Variants in PSMC6 observed in about 807,000 individuals in gnomAD.
PSMC6 encodes the protein 26S proteasome regulatory subunit 10B.
PSMC6 carries 3 observed loss-of-function variants against 55.9 expected under a neutral mutation model. The ratio of observed to expected loss-of-function variants is 0.05; its 90% confidence interval spans 0.02 to 0.14. The LOEUF is 0.14. Among genes scored for constraint, PSMC6 ranks in the 10% least tolerant of loss-of-function variants. PSMC6 has a pLI of 1.00. For missense variants in PSMC6, 210 were observed against 478.7 expected (o/e 0.44, Z 5.24); for synonymous variants, 137 against 155.9 (o/e 0.88, Z 0.90).
intron 13 of PSMC6, 148 bp from the exon 14 acceptor site, chr14:52,727,351 A>G: frequency 1.7e-6 from 1 of 599,814 alleles, no homozygotes; most frequent in Non-Finnish European, 2.8e-6. Context: ...TTGAAAAAAG[A>G]TAGTGGTTTT....
intron 1 of PSMC6, 68 bp downstream of exon 1, chr14:52,707,372 C>G (rs780541803): frequency 3.8e-6 from 6 of 1,593,590 alleles, no homozygotes; most frequent in Non-Finnish European, 4.3e-6. Flanking sequence ...AAAGCAGAAG[C>G]CTTTCGCCGA....
Position 52,720,980 on chromosome 14 carries a change from A to G in PSMC6, c.897A>G (p.Ile299Met), listed in dbSNP as rs1266296760. The G allele has an allele frequency of 1.2e-6, 2 of 1,612,874 alleles. No homozygotes were observed. The highest frequency in any genetic ancestry group is 8.5e-7 in the Non-Finnish European group (1 of 1,179,346). ...GTCCAGGAAGATTAGATAGAAAAAT[A>G]CGTGAGTTAAGATTCTTTACCTACT... The part of the protein sequence containing the change: ...LLRPGRLDRK[I>M]HIDLPNEQAR... Residue 299 changes from isoleucine to methionine, a missense_variant and splice_region_variant, in exon 11 of 14, where the codon ATA becomes ATG. Physicochemically the swap from Ile to Met is conservative, Grantham distance 10. This residue lies in a region of PSMC6 where 79 missense variants were observed against 158.7 expected (regional missense o/e 0.50). Coordinates refer to ENST00000445930, the MANE Select transcript of PSMC6 (RefSeq NM_002806.5).
intron 13 of PSMC6, among the ~76,000 whole-genome samples, chr14:52,726,790 C>T (rs1267449657): frequency 6.6e-6 from 1 of 151,742 alleles, no homozygotes. Flanking sequence ...TACAGATGCC[C>T]ACTACTACGC....
At chr14:52,713,048 C>T (rs1421005408) in intron 6 of PSMC6, among the ~76,000 whole-genome samples, 1 of 152,062 alleles carries the variant, frequency 6.6e-6, no homozygotes, top group East Asian at 1.9e-4. Context: ...CCTGCCAATA[C>T]AGTGAAACCC....
intron 4 of PSMC6, 111 bp from the exon 5 acceptor site, chr14:52,710,990 G>A (rs1594847647): frequency 1.0e-5 from 9 of 862,880 alleles, no homozygotes; most frequent in South Asian, 1.4e-5. Context: ...TGATATTTGT[G>A]TTCTCTCTGG....
chr14:52,717,652 A>G (rs1377138885), intron 7 of PSMC6, among the ~76,000 whole-genome samples: 1 of 151,966 alleles, frequency 6.6e-6, no homozygotes, highest in Non-Finnish European at 1.5e-5. Flanking sequence ...TGAAAATTCT[A>G]TTTAGGATTT....
At chr14:52,714,162 T>G (rs1407669732) in intron 7 of PSMC6, 194 bp downstream of exon 7, 1 of 417,776 alleles carries the variant, frequency 2.4e-6, no homozygotes, top group East Asian at 3.8e-5. Flanking sequence ...CACCTCAGTC[T>G]CCCACGTAGC....
At chr14:52,708,983 G>A in intron 4 of PSMC6, 167 bp downstream of exon 4, 1 of 917,950 alleles carries the variant, frequency 1.1e-6, no homozygotes, top group Non-Finnish European at 1.6e-6. Context: ...TCAAACCATG[G>A]GCTTTGACTC....
At chr14:52,719,536 C>T (rs993316189) in intron 10 of PSMC6, among the ~76,000 whole-genome samples, 1 of 152,190 alleles carries the variant, frequency 6.6e-6, no homozygotes, top group South Asian at 2.1e-4. Context: ...TACCTTTCCC[C>T]ACTCCAAATT....
chr14:52,716,244 G>T (rs2041828996), intron 7 of PSMC6, among the ~76,000 whole-genome samples: 1 of 152,146 alleles, frequency 6.6e-6, no homozygotes, highest in Non-Finnish European at 1.5e-5. Flanking sequence ...CACTACTGGT[G>T]GGAATGTAAA....
In PSMC6 at chr14:52,708,500, T is replaced by G. The variant is rs1390863618; in HGVS notation, c.183T>G (p.Leu61=). The G allele has an allele frequency of 2.5e-5, 40 of 1,613,838 alleles. No individual in the cohort carries two copies. In the Admixed American group the frequency reaches 5.5e-4, roughly 22 times the overall value. ...TTCCTTAGATCGTGGGTGAAGTGCTTAAACAGTTAACTGAAGAAAAATGTG... is the reference window on the plus strand; with the variant it reads ...TTCCTTAGATCGTGGGTGAAGTGCTGAAACAGTTAACTGAAGAAAAATGTG... ...QSVGQIVGEV[L]KQLTEEKFIV... The change falls in exon 3 of 14, where the codon CTT becomes CTG. Residue 61 remains leucine, a synonymous_variant. Transcript: ENST00000445930.
rs1354390382 is a variant in PSMC6, at chr14:52,709,540, C to A, written c.258+724C>A. 6.7e-6 allele frequency: 3 copies of A among 447,052 alleles called. No individual in the cohort carries two copies. In the Admixed American group the frequency reaches 7.6e-5, roughly 11 times the overall value. The allele number at this position is 447,052 out of a possible 1,614,324, so 27.7% of individuals were successfully genotyped here. ...ATTTTCTAAGTCAAAATATTAGATA[C>A]CTAAACTGACAAGGGATTTTCATGT... On this transcript the variant is annotated intron_variant, in intron 4 of 13. Transcript: ENST00000445930.
chr14:52,719,991 C>T (rs1354090485), intron 10 of PSMC6, among the ~76,000 whole-genome samples: 1 of 151,966 alleles, frequency 6.6e-6, no homozygotes, highest in African/African-American at 2.4e-5. Context: ...TTGGGAGGCC[C>T]AGCTGGGCAG....
At chr14:52,717,957 G>A in intron 7 of PSMC6, 124 bp from the exon 8 acceptor site, 1 of 836,990 alleles carries the variant, frequency 1.2e-6, no homozygotes, top group African/African-American at 1.7e-5. Context: ...AGGTCTGGGA[G>A]GTCAAGGTTG....
intron 10 of PSMC6, among the ~76,000 whole-genome samples, chr14:52,720,628 A>G (rs1054062289): frequency 1.3e-5 from 2 of 152,156 alleles, no homozygotes; most frequent in African/African-American, 2.4e-5. Flanking sequence ...CCTGGTAGCT[A>G]TAGAAAGATA....
intron 7 of PSMC6, among the ~76,000 whole-genome samples, chr14:52,714,704 A>G (rs1362866777): frequency 6.6e-6 from 1 of 151,900 alleles, no homozygotes; most frequent in African/African-American, 2.4e-5. Flanking sequence ...TGTCTCTACT[A>G]AAAATACAAA....
In PSMC6 at chr14:52,708,908, A is replaced by G. The variant is rs1264663987; in HGVS notation, c.258+92A>G. 7.1e-6 allele frequency: 11 copies of G among 1,544,104 alleles called. No individual in the cohort carries two copies. The South Asian group carries it at 1.1e-4, about 15-fold the overall frequency. ...AATTCTTGAGGCAAGCAGGTGGAGC[A>G]TTTATGCCCATAACTCACAAGGATG... On this transcript the variant is annotated intron_variant, in intron 4 of 13. Transcript: ENST00000445930.
Position 52,718,366 on chromosome 14 carries a change from C to A in PSMC6, c.715+14C>A. The A allele has an allele frequency of 6.2e-7, 1 of 1,600,322 alleles. No individual in the cohort carries two copies. Among genetic ancestry groups the A allele is most frequent in the South Asian group, 1.1e-5 (1 of 88,986 alleles). ...TAGATGCTATTGGTAAGAATAACACCCTTGTTGAAAGTTTTAGGACTTTTT... is the reference window on the plus strand; with the variant it reads ...TAGATGCTATTGGTAAGAATAACACACTTGTTGAAAGTTTTAGGACTTTTT... On this transcript the variant is annotated intron_variant, in intron 9 of 13. Coordinates refer to ENST00000445930, the MANE Select transcript of PSMC6 (RefSeq NM_002806.5).
At chr14:52,717,093 A>G (rs909928796) in intron 7 of PSMC6, among the ~76,000 whole-genome samples, 6 of 152,184 alleles carry the variant, frequency 3.9e-5, no homozygotes, top group African/African-American at 1.4e-4. Flanking sequence ...TATAATTAAT[A>G]ATGTATTAGC....
Sources: allele counts gnomAD v4.1 joint callset (sites outside exome capture counted in the v4.1 genomes callset), GRCh38; gene constraint gnomAD v4.1.1; regional missense constraint gnomAD v4.1.1; transcripts MANE v1.5; gene names NCBI Gene and HGNC (gene_info 2026-07-23, HGNC 2026-07-21).